UHRF2: variants seen among roughly 807,000 people sequenced by gnomAD.
UHRF2 encodes E3 ubiquitin-protein ligase UHRF2.
UHRF2 carries 23 observed loss-of-function variants against 96.8 expected under a neutral mutation model. That is an observed-to-expected ratio of 0.24 (90% confidence interval 0.17 to 0.34). The LOEUF (loss-of-function observed/expected upper bound fraction) is 0.34, where lower values mean the gene tolerates loss of function less well. Among genes scored for constraint, UHRF2 ranks in the 10% least tolerant of loss-of-function variants. The pLI is 1.00. For missense variants in UHRF2, 685 were observed against 981.5 expected, an observed-to-expected ratio of 0.70 and a Z score of 4.04; for synonymous variants, 385 against 332.6, an observed-to-expected ratio of 1.16 and a Z score of -1.72.
intron 12 of UHRF2, 24 bp from the exon 13 acceptor site, chr9:6,499,811 C>G: frequency 6.6e-7 from 1 of 1,505,574 alleles, no homozygotes; most frequent in African/African-American, 1.6e-5. Flanking sequence ...CTGCATTGTA[C>G]TCTCCCTCCT....
chr9:6,498,782 C>T (rs1242953059), intron 12 of UHRF2: 2 of 152,336 alleles, frequency 1.3e-5, no homozygotes, highest in African/African-American at 4.8e-5. Flanking sequence ...ACACTGACTT[C>T]AGAGCATGGT....
rs1171172143 is a variant in UHRF2 at position 6,428,533 on chromosome 9, CTTTTTTTTTTTTTTTTTTTTTT to C, written c.385-5364_385-5343del. On this transcript the variant is annotated intron_variant, in intron 2 of 15. Coordinates refer to ENST00000276893, the MANE Select transcript of UHRF2 (RefSeq NM_152896.3). The stretch of plus-strand genomic sequence containing the variant: ...TGTAAATGGAACCATATTGCTTTTG[CTTTTTTTTTTTTTTTTTTTTTT>C]TTTTTTTTTTTTTTTTGAACGATCT... 9.6e-4 allele frequency among the ~76,000 whole-genome samples: 63 copies of C among 65,420 alleles called. No individual in the cohort carries two copies. In the South Asian group the frequency reaches 0.011, roughly 11 times the overall value. The allele number at this position is 65,420 out of a possible 152,430, so 42.9% of individuals were successfully genotyped here. A position where few individuals can be genotyped will look rare whatever the true frequency, so the allele number is the denominator to read the frequency against.
At chr9:6,454,376 C>G (rs1822059105) in intron 3 of UHRF2, among the ~76,000 whole-genome samples, 1 of 152,160 alleles carries the variant, frequency 6.6e-6, no homozygotes, top group Non-Finnish European at 1.5e-5. Context: ...ATGATTGAGG[C>G]TGGCAGGGAC....
At chr9:6,477,904 A>G (rs1823681665) in intron 6 of UHRF2, 96 bp downstream of exon 6, 1 of 1,136,890 alleles carries the variant, frequency 8.8e-7, no homozygotes, top group Non-Finnish European at 1.2e-6. Flanking sequence ...GATACATAAT[A>G]TAAAAGTGCT....
intron 4 of UHRF2, among the ~76,000 whole-genome samples, chr9:6,472,663 A>G (rs1823315739): frequency 6.6e-6 from 1 of 152,264 alleles, no homozygotes; most frequent in South Asian, 2.1e-4. Context: ...GAGAAAGTAT[A>G]GTATGTACTG....
rs375782048 is a variant in UHRF2 at position 6,460,621 on chromosome 9, A to G, written c.693A>G (p.Pro231=). The change falls in exon 4 of 16, where the codon CCA becomes CCG. Residue 231 remains proline, a synonymous_variant. Coordinates refer to ENST00000276893, the MANE Select transcript of UHRF2 (RefSeq NM_152896.3). The part of the protein sequence containing the change: ...TLEMNVKDLR[P]RARTILKWNE... Reference sequence around the variant, plus strand: ...AAATGAATGTCAAGGATCTTAGACCACGAGCTAGAACCATTTTGAAATGGA... The same window carrying G: ...AAATGAATGTCAAGGATCTTAGACCGCGAGCTAGAACCATTTTGAAATGGA... The G allele has an allele frequency of 3.1e-6, 5 of 1,612,130 alleles. No homozygotes were observed. The highest frequency in any genetic ancestry group is 4.2e-6 in the Non-Finnish European group (5 of 1,179,202).
At chr9:6,488,949 A>T (rs1824488472) in intron 9 of UHRF2, among the ~76,000 whole-genome samples, 1 of 151,882 alleles carries the variant, frequency 6.6e-6, no homozygotes, top group South Asian at 2.1e-4. Context: ...AGTAGCTGGG[A>T]CTACAGGCAT....
At position 6,468,323 on chromosome 9, in the gene UHRF2, G is replaced by A. The variant is rs537073432; in HGVS notation, c.864-7068G>A. Reference sequence around the variant, plus strand: ...TGTGACATTTATTGAATCACTTAAAGTAGTACATGGAAAGCACCTGTTTGC... The same window carrying A: ...TGTGACATTTATTGAATCACTTAAAATAGTACATGGAAAGCACCTGTTTGC... On this transcript the variant is annotated intron_variant, in intron 4 of 15. Coordinates refer to ENST00000276893, the MANE Select transcript of UHRF2 (RefSeq NM_152896.3). 5.3e-4 allele frequency: 215 copies of A among 402,416 alleles called. 3 individuals carry two copies. The highest frequency in any genetic ancestry group is 3.5e-3 in the South Asian group (191 of 54,676). 24.9% of individuals were successfully genotyped at this position (402,416 alleles called of 1,614,324 possible).
At chr9:6,499,228 C>G (rs967434789) in intron 12 of UHRF2, 1 of 152,226 alleles carries the variant, frequency 6.6e-6, no homozygotes, top group African/African-American at 2.4e-5. Context: ...ACTGTTATTA[C>G]AAAGCATGCT....
intron 2 of UHRF2, among the ~76,000 whole-genome samples, chr9:6,422,245 C>T (rs377080816): frequency 6.6e-6 from 1 of 152,276 alleles, no homozygotes; most frequent in East Asian, 1.9e-4. Flanking sequence ...CCATGCCTGG[C>T]TAATTTTTAT....
chr9:6,421,179 A>G (rs1819910476), intron 2 of UHRF2, 37 bp downstream of exon 2: 1 of 1,437,508 alleles, frequency 7.0e-7, no homozygotes, highest in African/African-American at 1.4e-5. Flanking sequence ...TTGTGAGAAT[A>G]CAAATAAATT....
At chr9:6,470,505 G>C (rs1161195496) in intron 4 of UHRF2, among the ~76,000 whole-genome samples, 1 of 152,126 alleles carries the variant, frequency 6.6e-6, no homozygotes, top group Non-Finnish European at 1.5e-5. Flanking sequence ...AATAAAGGGA[G>C]TTATTTAAGT....
At chr9:6,428,317 G>A (rs192417699) in intron 2 of UHRF2, among the ~76,000 whole-genome samples, 28 of 151,984 alleles carry the variant, frequency 1.8e-4, no homozygotes, top group Non-Finnish European at 3.7e-4. Flanking sequence ...ATACTCCCAG[G>A]AACTTACCAG....
At chr9:6,490,434 C>T (rs983176040) in intron 9 of UHRF2, among the ~76,000 whole-genome samples, 1 of 152,166 alleles carries the variant, frequency 6.6e-6, no homozygotes, top group Non-Finnish European at 1.5e-5. Flanking sequence ...TCGAAACCAG[C>T]CTGGCCAACA....
At chr9:6,414,326 A>G (rs1208854904) in intron 1 of UHRF2, among the ~76,000 whole-genome samples, 1 of 152,228 alleles carries the variant, frequency 6.6e-6, no homozygotes, top group Non-Finnish European at 1.5e-5. Context: ...CGAATGCCCT[A>G]TATAAGCCAA....
intron 6 of UHRF2, among the ~76,000 whole-genome samples, chr9:6,479,084 C>G (rs771262502): frequency 6.6e-6 from 1 of 152,130 alleles, no homozygotes; most frequent in Non-Finnish European, 1.5e-5. Flanking sequence ...ATTCTAGAAT[C>G]TCTTGAATTT....
chr9:6,459,179 C>T (rs770627482), intron 3 of UHRF2, among the ~76,000 whole-genome samples: 4 of 152,106 alleles, frequency 2.6e-5, no homozygotes, highest in Admixed American at 6.5e-5. Context: ...AACAAACCTG[C>T]ACTTTCTGCA....
At position 6,497,189 on chromosome 9, in the gene UHRF2, GT is replaced by G; in HGVS notation, c.1605-3del. The G allele has an allele frequency of 6.2e-7, 1 of 1,611,458 alleles. No homozygotes were observed. Among genetic ancestry groups the G allele is most frequent in the Non-Finnish European group, 8.5e-7 (1 of 1,178,982 alleles). On this transcript the variant is annotated splice_region_variant and splice_polypyrimidine_tract_variant and intron_variant, in intron 10 of 15. Coordinates refer to ENST00000276893, the MANE Select transcript of UHRF2 (RefSeq NM_152896.3). Reference sequence around the variant, plus strand: ...TACATGGTATAAAGACTTCTTTGTTGTTTTTTAGGGCATTGGCCCTAAACTG... The same window carrying G: ...TACATGGTATAAAGACTTCTTTGTTGTTTTTAGGGCATTGGCCCTAAACTG...
At chr9:6,491,610 A>G (rs2130943994) in intron 9 of UHRF2, among the ~76,000 whole-genome samples, 1 of 152,366 alleles carries the variant, frequency 6.6e-6, no homozygotes, top group Admixed American at 6.5e-5. Context: ...AGTTTGGGAT[A>G]AAGGTCTTCC....
Sources: allele counts gnomAD v4.1 joint callset (sites outside exome capture counted in the v4.1 genomes callset), GRCh38; gene constraint gnomAD v4.1.1; transcripts MANE v1.5; gene names NCBI Gene and HGNC (gene_info 2026-07-23, HGNC 2026-07-21).